MGST1: variants seen among roughly 807,000 people sequenced by gnomAD.
The protein encoded by MGST1 is microsomal glutathione S-transferase 1, also known as glutathione S-transferase 12.
In MGST1, 5 loss-of-function variants were observed where a neutral mutation model predicts 8.9. That is an observed-to-expected ratio of 0.56 (90% CI 0.29 to 1.19). The LOEUF is 1.19. Ranked by LOEUF, MGST1 falls within the 50% of genes most tolerant of loss-of-function variation. The pLI, the probability that MGST1 is intolerant of heterozygous loss-of-function variation, is 0.08. For missense variants in MGST1, 182 were observed against 187.4 expected (o/e 0.97, Z 0.17); for synonymous variants, 54 against 67.8 (o/e 0.80, Z 1.00).
chr12:16,577,810 C>A (rs1943040897), intron 4 of MGST1, among the ~76,000 whole-genome samples: 1 of 152,178 alleles, frequency 6.6e-6, no homozygotes. Context: ...TGATGGTTCT[C>A]TGGATCAATT....
intron 4 of MGST1, among the ~76,000 whole-genome samples, chr12:16,540,416 G>A (rs538669522): frequency 6.6e-6 from 1 of 152,254 alleles, no homozygotes; most frequent in South Asian, 2.1e-4. Context: ...GGGATTATAG[G>A]TGCACACCAG....
At chr12:16,437,008 T>A (rs1940992681) in intron 1 of MGST1, among the ~76,000 whole-genome samples, 1 of 151,978 alleles carries the variant, frequency 6.6e-6, no homozygotes, top group Non-Finnish European at 1.5e-5. Flanking sequence ...ACATTAAAAT[T>A]AAAACTGTTG....
At chr12:16,430,281 A>G (rs566245168) in intron 1 of MGST1, among the ~76,000 whole-genome samples, 1 of 152,138 alleles carries the variant, frequency 6.6e-6, no homozygotes, top group South Asian at 2.1e-4. Context: ...TTTGGAAGCA[A>G]CTTATTCCAA....
Position 16,401,799 on chromosome 12 carries a change from G to A in MGST1, n.778+18195G>A. 1 of 1,603,460 alleles carries A rather than the reference G, an allele frequency of 6.2e-7. No individual in the cohort carries two copies. Among genetic ancestry groups the A allele is most frequent in the South Asian group, 1.1e-5 (1 of 90,858 alleles). On this transcript the variant is annotated intron_variant and non_coding_transcript_variant, in intron 1 of 1. Transcript: ENST00000359720. The surrounding 1 kb of genome is among the most constrained non-coding windows in gnomAD (Gnocchi z 4.3). ...TTTGCTGTGTCAAACTTTCTCATCT[G>A]CATCAACTATTTCCATGACTCTTTC...
intron 1 of MGST1, among the ~76,000 whole-genome samples, chr12:16,392,558 G>A (rs530431946): frequency 2.6e-5 from 4 of 152,202 alleles, no homozygotes; most frequent in African/African-American, 9.6e-5. Flanking sequence ...TTGAATGCCT[G>A]ACACAATAAT....
At chr12:16,474,171 C>G (rs1335189797) in intron 4 of MGST1, among the ~76,000 whole-genome samples, 1 of 152,200 alleles carries the variant, frequency 6.6e-6, no homozygotes, top group African/African-American at 2.4e-5. Context: ...ATCCTTCTCA[C>G]TGTACTTGTT....
intron 1 of MGST1, among the ~76,000 whole-genome samples, chr12:16,428,925 A>G (rs1940915838): frequency 6.6e-6 from 1 of 152,040 alleles, no homozygotes; most frequent in Non-Finnish European, 1.5e-5. Flanking sequence ...AAATGTAGCC[A>G]TCTTTTTTTG....
chr12:16,451,035 A>G (rs771498357), intron 4 of MGST1, among the ~76,000 whole-genome samples: 1 of 151,990 alleles, frequency 6.6e-6, no homozygotes, highest in Non-Finnish European at 1.5e-5. Context: ...TTTTAGGATT[A>G]TAAGTAACCT....
chr12:16,508,133 C>A (rs1384717937), intron 4 of MGST1, among the ~76,000 whole-genome samples: 1 of 152,070 alleles, frequency 6.6e-6, no homozygotes, highest in Admixed American at 6.6e-5. Context: ...AGGAACCATG[C>A]CTTGATTATC....
intron 4 of MGST1, among the ~76,000 whole-genome samples, chr12:16,446,673 G>A (rs1941082916): frequency 6.6e-6 from 1 of 151,686 alleles, no homozygotes; most frequent in African/African-American, 2.4e-5. Flanking sequence ...CATTTGTTCT[G>A]TGGCAAACAA....
At chr12:16,408,128 C>T (rs1483808314) in intron 1 of MGST1, among the ~76,000 whole-genome samples, 1 of 147,108 alleles carries the variant, frequency 6.8e-6, no homozygotes, top group African/African-American at 2.5e-5. Flanking sequence ...AAACCAAATA[C>T]ATGTTCTCAG....
intron 4 of MGST1, among the ~76,000 whole-genome samples, chr12:16,453,242 T>C (rs893012193): frequency 6.6e-5 from 10 of 151,916 alleles, no homozygotes; most frequent in African/African-American, 2.4e-4. Context: ...AACGTCCTTT[T>C]AGACTTCAAA....
At chr12:16,365,935 T>C (rs939462041), downstream of MGST1, among the ~76,000 whole-genome samples, 1 of 152,250 alleles carries the variant, frequency 6.6e-6, no homozygotes, top group African/African-American at 2.4e-5. Flanking sequence ...CAGTAATCTC[T>C]CAATCATAAA....
At chr12:16,468,097 A>C (rs940185023) in intron 4 of MGST1, among the ~76,000 whole-genome samples, 2 of 152,222 alleles carry the variant, frequency 1.3e-5, no homozygotes, top group African/African-American at 4.8e-5. Context: ...AGGGTGCAGC[A>C]TCCTCTACAA....
intron 4 of MGST1, among the ~76,000 whole-genome samples, chr12:16,466,338 A>G (rs1185878854): frequency 6.6e-6 from 1 of 152,154 alleles, no homozygotes; most frequent in Non-Finnish European, 1.5e-5. Flanking sequence ...GGATTCTGAA[A>G]TTTTTAAATA....
At chr12:16,452,089 G>T (rs1289973263) in intron 4 of MGST1, among the ~76,000 whole-genome samples, 2 of 151,768 alleles carry the variant, frequency 1.3e-5, no homozygotes, top group Admixed American at 6.6e-5. Flanking sequence ...ACCCTAAGCA[G>T]TATTATATTA....
In MGST1 at chr12:16,389,595, TG is replaced by T. The variant is rs565346100; in HGVS notation, n.778+5993del. Among the ~76,000 whole-genome samples the T allele has an allele frequency of 4.4e-3, 665 of 152,282 alleles. 7 individuals carry two copies. Among genetic ancestry groups the T allele is most frequent in the African/African-American group, 0.015 (644 of 41,564 alleles). ...GGGGTTTCCCTGGATTTCCTTGGTC[TG>T]GTAGGTGCAGCAATATGACATGAGT... On this transcript the variant is annotated intron_variant and non_coding_transcript_variant, in intron 1 of 1. Transcript: ENST00000359720. This position sits in a 1 kb window ranked among gnomAD's most constrained non-coding sequence, Gnocchi z 4.6.
At chr12:16,453,235 G>A (rs146007617) in intron 4 of MGST1, among the ~76,000 whole-genome samples, 1 of 151,998 alleles carries the variant, frequency 6.6e-6, no homozygotes, top group African/African-American at 2.4e-5. Flanking sequence ...AGATAGCAAC[G>A]TCCTTTTAGA....
At chr12:16,522,368 T>C (rs1239806646) in intron 4 of MGST1, among the ~76,000 whole-genome samples, 1 of 152,132 alleles carries the variant, frequency 6.6e-6, no homozygotes, top group African/African-American at 2.4e-5. Flanking sequence ...ATTCCCCTCT[T>C]GTACTTTGGC....
Sources: allele counts gnomAD v4.1 joint callset (sites outside exome capture counted in the v4.1 genomes callset), GRCh38; gene constraint gnomAD v4.1.1; non-coding constraint Gnocchi (gnomAD v3.1); transcripts MANE v1.5; gene names NCBI Gene and HGNC (gene_info 2026-07-23, HGNC 2026-07-21).